Variants in CCDC6 observed in about 807,000 individuals in gnomAD.
The protein encoded by CCDC6 is coiled-coil domain-containing protein 6.
A neutral mutation model predicts 56.6 loss-of-function variants in CCDC6; 20 were observed. That is an observed-to-expected ratio of 0.35 (90% CI 0.25 to 0.51). CCDC6 has a LOEUF of 0.51. Ranked by LOEUF, CCDC6 falls within the 20% of genes least tolerant of loss-of-function variation. CCDC6 has a pLI of 0.95. For missense variants in CCDC6, 367 were observed against 601.1 expected (o/e 0.61, Z 4.07); for synonymous variants, 241 against 234.4 (o/e 1.03, Z -0.26).
intron 3 of CCDC6, among the ~76,000 whole-genome samples, chr10:59,823,875 A>G (rs2070765988): frequency 6.6e-6 from 1 of 152,222 alleles, no homozygotes. Context: ...TTACAACTAG[A>G]AAGTCTCAGT....
At chr10:59,888,129 C>G (rs558442786) in intron 1 of CCDC6, among the ~76,000 whole-genome samples, 1 of 152,222 alleles carries the variant, frequency 6.6e-6, no homozygotes, top group African/African-American at 2.4e-5. Flanking sequence ...GTCCAGAAAA[C>G]GTGTCTGCAC....
intron 1 of CCDC6, among the ~76,000 whole-genome samples, chr10:59,893,622 AC>A (rs2071440552): frequency 1.1e-4 from 4 of 35,926 alleles, no homozygotes; most frequent in African/African-American, 2.5e-4. Flanking sequence ...ACAAATACAT[AC>A]ATACATACAT....
At chr10:59,824,369 G>C (rs988569175) in intron 3 of CCDC6, among the ~76,000 whole-genome samples, 1 of 152,098 alleles carries the variant, frequency 6.6e-6, no homozygotes, top group South Asian at 2.1e-4. Context: ...TGAGTATGGT[G>C]TATTGACCCT....
intron 1 of CCDC6, among the ~76,000 whole-genome samples, chr10:59,878,219 CAAAT>C (rs1383551464): frequency 2.0e-5 from 3 of 152,244 alleles, no homozygotes; most frequent in African/African-American, 4.8e-5. Context: ...TCTTGAGAAA[CAAAT>C]AAGTATCCAG....
At position 59,843,052 on chromosome 10, in the gene CCDC6, C is replaced by CT. The variant is rs1219203468; in HGVS notation, c.453+9500dup. Among the ~76,000 whole-genome samples, 7 of 151,148 alleles carry CT rather than the reference C, an allele frequency of 4.6e-5. 1 individual carries two copies. The highest frequency in any genetic ancestry group is 8.8e-5 in the Non-Finnish European group (6 of 67,806). Reference sequence around the variant, plus strand: ...ACAAGCGTGAGCCACCACACCCGGCCTTTTTTTGTATTTTTAGTAGAGATG... The same window carrying CT: ...ACAAGCGTGAGCCACCACACCCGGCCTTTTTTTTGTATTTTTAGTAGAGATG... On this transcript the variant is annotated intron_variant, in intron 2 of 8. Coordinates refer to ENST00000263102, the MANE Select transcript of CCDC6 (RefSeq NM_005436.5).
intron 2 of CCDC6, among the ~76,000 whole-genome samples, chr10:59,849,959 G>A (rs994213986): frequency 5.9e-5 from 9 of 152,188 alleles, no homozygotes; most frequent in African/African-American, 2.2e-4. Context: ...CCTGAGGGAT[G>A]AGTATCATAG....
rs550354487 is a variant in CCDC6 at position 59,792,664 on chromosome 10, G to T, written c.*253C>A. On this transcript the variant is annotated 3_prime_UTR_variant, in exon 9 of 9. Transcript: ENST00000263102. ...AAATACCAAATACCAAACAGCGAAG[G>T]TTCCAGCCAGGGAATGGACGTACAT... 2.7e-6 allele frequency: 2 copies of T among 738,348 alleles called. No individual in the cohort carries two copies. The highest frequency in any genetic ancestry group is 5.0e-6 in the Non-Finnish European group (2 of 401,426). The allele number at this position is 738,348 out of a possible 1,614,324, so 45.7% of individuals were successfully genotyped here. A position where few individuals can be genotyped will look rare whatever the true frequency, so the allele number is the denominator to read the frequency against.
chr10:59,857,184 G>C (rs2071087210), intron 1 of CCDC6, among the ~76,000 whole-genome samples: 1 of 152,160 alleles, frequency 6.6e-6, no homozygotes, highest in Non-Finnish European at 1.5e-5. Flanking sequence ...ATTAAAGGGA[G>C]AGTAGGATCA....
chr10:59,793,189 C>T, intron 8 of CCDC6, 78 bp from the exon 9 acceptor site: 1 of 1,193,134 alleles, frequency 8.4e-7, no homozygotes. Flanking sequence ...TGACTTGGCA[C>T]TGGGGCTAAT....
chr10:59,790,709 C>A lies in CCDC6; in HGVS notation c.*2208G>T. On this transcript the variant is annotated 3_prime_UTR_variant, in exon 9 of 9. Transcript: ENST00000263102. ...TTTCGAAGTGAAATGACTTTGGGAA[C>A]CAGAACATTTCTGCAGATGTCTGAA... 4.6e-6 allele frequency: 1 copy of A among 219,580 alleles called. No homozygotes were observed. The highest frequency in any genetic ancestry group is 9.1e-6 in the Non-Finnish European group (1 of 109,642). The allele number at this position is 219,580 out of a possible 1,614,324, so 13.6% of individuals were successfully genotyped here. A position where few individuals can be genotyped will look rare whatever the true frequency, so the allele number is the denominator to read the frequency against.
chr10:59,866,145 AC>A (rs2071175370), intron 1 of CCDC6, among the ~76,000 whole-genome samples: 1 of 152,206 alleles, frequency 6.6e-6, no homozygotes, highest in Non-Finnish European at 1.5e-5. Flanking sequence ...CATGGGAAGC[AC>A]CGTGTGGAAT....
intron 2 of CCDC6, among the ~76,000 whole-genome samples, chr10:59,851,959 G>A (rs762111739): frequency 2.6e-5 from 4 of 152,114 alleles, no homozygotes; most frequent in Non-Finnish European, 5.9e-5. Flanking sequence ...ATGAGCCTCT[G>A]AAGTAGAGAA....
Position 59,815,118 on chromosome 10 carries a change from C to A in CCDC6, c.583-363G>T, listed in dbSNP as rs73263428. Among the ~76,000 whole-genome samples, 1,499 of 152,142 alleles carry A rather than the reference C, an allele frequency of 9.9e-3. 36 individuals carry two copies. The highest frequency in any genetic ancestry group is 0.034 in the African/African-American group (1,418 of 41,510). On this transcript the variant is annotated intron_variant, in intron 3 of 8. Coordinates refer to ENST00000263102, the MANE Select transcript of CCDC6 (RefSeq NM_005436.5). The stretch of plus-strand genomic sequence containing the variant: ...AGTTCTGGGCTTACAGTTATTCTTC[C>A]GGGCTTGTCCCTTACAGTAAGTCAG...
chr10:59,858,355 A>G (rs1383604432), intron 1 of CCDC6, among the ~76,000 whole-genome samples: 1 of 152,176 alleles, frequency 6.6e-6, no homozygotes, highest in Non-Finnish European at 1.5e-5. Context: ...TATTTACTCC[A>G]TTCCAGTATT....
chr10:59,898,727 C>G lies in CCDC6; in HGVS notation c.303+7395G>C, dbSNP rs1014156636. Among the ~76,000 whole-genome samples, 4 of 152,330 alleles carry G rather than the reference C, an allele frequency of 2.6e-5. No individual in the cohort carries two copies. The East Asian group carries it at 7.7e-4, about 29-fold the overall frequency. On this transcript the variant is annotated intron_variant, in intron 1 of 8. Coordinates refer to ENST00000263102, the MANE Select transcript of CCDC6 (RefSeq NM_005436.5). ...TATCCAGCACACAGTATTATAAGCACTTGACAGCTGAATCCTGCCTCTTTG... is the reference window on the plus strand; with the variant it reads ...TATCCAGCACACAGTATTATAAGCAGTTGACAGCTGAATCCTGCCTCTTTG...
chr10:59,877,943 AC>A (rs1213285745), intron 1 of CCDC6, among the ~76,000 whole-genome samples: 1 of 152,196 alleles, frequency 6.6e-6, no homozygotes, highest in Non-Finnish European at 1.5e-5. Context: ...AATACTAAAA[AC>A]CTGTAAATCC....
chr10:59,830,939 C>T (rs969394611), intron 3 of CCDC6, among the ~76,000 whole-genome samples: 1 of 152,210 alleles, frequency 6.6e-6, no homozygotes, highest in Non-Finnish European at 1.5e-5. Flanking sequence ...TTGTGAAGGG[C>T]ATGGCCAGGC....
intron 8 of CCDC6, 51 bp downstream of exon 8, chr10:59,794,422 C>T: frequency 6.3e-7 from 1 of 1,598,572 alleles, no homozygotes; most frequent in South Asian, 1.1e-5. Context: ...GAACACCAGT[C>T]GGTACCACTT....
At chr10:59,868,218 T>C (rs917226194) in intron 1 of CCDC6, among the ~76,000 whole-genome samples, 3 of 152,198 alleles carry the variant, frequency 2.0e-5, no homozygotes, top group East Asian at 3.8e-4. Context: ...GAACATGCAC[T>C]GTACAGAGGA....
Sources: gnomAD v4.1 joint callset for allele counts (sites outside exome capture counted in the v4.1 genomes callset) on GRCh38, gnomAD v4.1.1 for gene constraint, MANE v1.5 for transcripts, NCBI Gene and HGNC (gene_info 2026-07-23, HGNC 2026-07-21) for gene names.